LIPC: variants seen among roughly 807,000 people sequenced by gnomAD.
LIPC encodes hepatic triacylglycerol lipase.
A neutral mutation model predicts 50.7 loss-of-function variants in LIPC; 44 were observed. That is an observed-to-expected ratio of 0.87 (90% confidence interval 0.68 to 1.11). The LOEUF (loss-of-function observed/expected upper bound fraction) is 1.11, where lower values mean the gene tolerates loss of function less well. Among genes scored for constraint, LIPC ranks in the 50% most tolerant of loss-of-function variants. The pLI is 0.00. For synonymous variants in LIPC, 271 were observed against 256.4 expected, an observed-to-expected ratio of 1.06 and a Z score of -0.54; for missense variants, 697 against 648.2, an observed-to-expected ratio of 1.08 and a Z score of -0.82.
chr15:58,525,443 A>G (rs1049759114), intron 1 of LIPC, among the ~76,000 whole-genome samples: 19 of 152,220 alleles, frequency 1.2e-4, no homozygotes. Context: ...GAGCTCTGTC[A>G]CTGGGGCTCT....
At chr15:58,514,759 G>A (rs1892435916) in intron 1 of LIPC, among the ~76,000 whole-genome samples, 6 of 152,218 alleles carry the variant, frequency 3.9e-5, no homozygotes, top group South Asian at 2.1e-4. Context: ...AGGAGGCAGA[G>A]GTTGTGGTGA....
chr15:58,520,111 T>TG (rs1383662797), intron 1 of LIPC, among the ~76,000 whole-genome samples: 2 of 85,522 alleles, frequency 2.3e-5, no homozygotes, highest in African/African-American at 7.7e-5. Context: ...GGTTTTGGGC[T>TG]GTTTTTTTTT....
chr15:58,514,793 C>T (rs1347370867), intron 1 of LIPC, among the ~76,000 whole-genome samples: 1 of 152,210 alleles, frequency 6.6e-6, no homozygotes, highest in Non-Finnish European at 1.5e-5. Flanking sequence ...CACAGCACTC[C>T]AGCCTGGACG....
At chr15:58,532,932 A>C (rs189808676) in intron 1 of LIPC, among the ~76,000 whole-genome samples, 177 of 152,334 alleles carry the variant, frequency 1.2e-3, no homozygotes, top group African/African-American at 3.9e-3. Flanking sequence ...TAATGGCTGG[A>C]CCCAGCTTCT....
Position 58,538,510 on chromosome 15 carries a change from G to T in LIPC, c.266G>T (p.Gly89Val), listed in dbSNP as rs763976980. Residue 89 changes from glycine (G) to valine (V), a missense_variant, in exon 2 of 9, where the codon GGG becomes GTG. Transcript: ENST00000299022. ...SSLPLVMIIH[G>V]WSVDGVLENW... ...CTGCCTCTGGTGATGATAATCCACG[G>T]GTGGTCGGTAGGAAATGCTGACATG... The T allele has an allele frequency of 1.2e-5, 19 of 1,613,946 alleles. No individual in the cohort carries two copies. Among genetic ancestry groups the T allele is most frequent in the East Asian group, 4.5e-5 (2 of 44,886 alleles).
chr15:58,551,142 C>T (rs1438094281), intron 6 of LIPC, among the ~76,000 whole-genome samples: 2 of 151,942 alleles, frequency 1.3e-5, no homozygotes. Context: ...CAGCCCATAC[C>T]CTCTCCTTTT....
At chr15:58,566,754 A>C (rs1371791542) in intron 8 of LIPC, among the ~76,000 whole-genome samples, 2 of 152,216 alleles carry the variant, frequency 1.3e-5, no homozygotes, top group Non-Finnish European at 1.5e-5. Context: ...GCTAAACCTA[A>C]TGAGAAGACA....
At chr15:58,474,146 C>T (rs1346926298) in intron 1 of LIPC, among the ~76,000 whole-genome samples, 2 of 152,134 alleles carry the variant, frequency 1.3e-5, no homozygotes, top group South Asian at 2.1e-4. Flanking sequence ...GGACTAGGCC[C>T]TTTGGTGGGG....
chr15:58,439,136 T>C (rs1363977759), intron 1 of LIPC, among the ~76,000 whole-genome samples: 2 of 152,142 alleles, frequency 1.3e-5, no homozygotes, highest in African/African-American at 4.8e-5. Flanking sequence ...AGTGTTTATG[T>C]CCCAACATGA....
intron 1 of LIPC, among the ~76,000 whole-genome samples, chr15:58,433,791 G>A (rs1893199543): frequency 6.6e-6 from 1 of 152,190 alleles, no homozygotes; most frequent in South Asian, 2.1e-4. Flanking sequence ...TGCAAATGCT[G>A]AGAGAAGTGG....
At chr15:58,434,153 T>A (rs1167655359) in intron 1 of LIPC, among the ~76,000 whole-genome samples, 1 of 152,088 alleles carries the variant, frequency 6.6e-6, no homozygotes, top group Non-Finnish European at 1.5e-5. Flanking sequence ...CTGCTTCACA[T>A]CCTACAATGC....
chr15:58,471,333 G>GGT (rs1595877395), intron 1 of LIPC, among the ~76,000 whole-genome samples: 1 of 138,060 alleles, frequency 7.2e-6, no homozygotes, highest in Non-Finnish European at 1.6e-5. Flanking sequence ...AGAGATGGGG[G>GGT]GGGGTGGTCT....
chr15:58,489,294 G>T (rs1194560902), intron 1 of LIPC, among the ~76,000 whole-genome samples: 3 of 143,328 alleles, frequency 2.1e-5, no homozygotes, highest in East Asian at 4.2e-4. Context: ...TCACCCAGCA[G>T]GTTCTTCCTA....
At chr15:58,455,962 C>A (rs1432140506) in intron 1 of LIPC, among the ~76,000 whole-genome samples, 1 of 152,000 alleles carries the variant, frequency 6.6e-6, no homozygotes, top group Non-Finnish European at 1.5e-5. Flanking sequence ...GGACCCAAGG[C>A]ATGGTCCAGA....
intron 1 of LIPC, among the ~76,000 whole-genome samples, chr15:58,536,062 C>T (rs1380026049): frequency 6.6e-6 from 1 of 152,166 alleles, no homozygotes; most frequent in Non-Finnish European, 1.5e-5. Flanking sequence ...AAGCACACAC[C>T]TGGATAAATA....
At chr15:58,439,059 C>G (rs1893413013) in intron 1 of LIPC, among the ~76,000 whole-genome samples, 1 of 152,212 alleles carries the variant, frequency 6.6e-6, no homozygotes. Context: ...TGGCACGGCT[C>G]TCCAGTGGAC....
At chr15:58,561,105 A>G in intron 7 of LIPC, 124 bp downstream of exon 7, 1 of 732,132 alleles carries the variant, frequency 1.4e-6, no homozygotes, top group Admixed American at 2.0e-5. Flanking sequence ...CGCAAACCAA[A>G]AACTATCTGA....
intron 1 of LIPC, among the ~76,000 whole-genome samples, chr15:58,514,765 G>T (rs985785641): frequency 6.6e-6 from 1 of 152,140 alleles, no homozygotes; most frequent in Non-Finnish European, 1.5e-5. Flanking sequence ...CAGAGGTTGT[G>T]GTGAGCCAAG....
intron 8 of LIPC, among the ~76,000 whole-genome samples, chr15:58,567,354 T>C (rs1234703368): frequency 1.1e-3 from 37 of 33,064 alleles, no homozygotes; most frequent in Admixed American, 3.2e-3. Flanking sequence ...TGTATATATA[T>C]ATATGTATAT....
Sources: allele counts gnomAD v4.1 joint callset (sites outside exome capture counted in the v4.1 genomes callset), GRCh38; gene constraint gnomAD v4.1.1; transcripts MANE v1.5; gene names NCBI Gene and HGNC (gene_info 2026-07-23, HGNC 2026-07-21).